MEGF11: variants seen among roughly 807,000 people sequenced by gnomAD.
The protein encoded by MEGF11 is multiple EGF like domains 11.
Under a neutral mutation model 146.6 loss-of-function variants are expected in MEGF11, and 126 were observed. The observed-to-expected ratio is 0.86, with a 90% confidence interval of 0.74 to 1.00. MEGF11 has a LOEUF of 1.00. Among genes scored for constraint, MEGF11 ranks in the 50% least tolerant of loss-of-function variants. The pLI is 0.00. For synonymous variants in MEGF11, 532 were observed against 583.4 expected (o/e 0.91, Z 1.27); for missense variants, 1,509 against 1,521.2 (o/e 0.99, Z 0.13).
chr15:66,160,291 C>CTCTCTCTCTCTCT (rs2089908090), intron 1 of MEGF11, among the ~76,000 whole-genome samples: 1 of 145,278 alleles, frequency 6.9e-6, no homozygotes, highest in East Asian at 2.0e-4. Context: ...CTGCTTTCTG[C>CTCTCTCTCTCTCT]CTAGAACGTG....
intron 1 of MEGF11, among the ~76,000 whole-genome samples, chr15:66,132,991 C>T (rs1250604777): frequency 1.3e-5 from 2 of 152,184 alleles, no homozygotes; most frequent in Admixed American, 6.5e-5. Context: ...ACTGACTCTG[C>T]AGCCAACCTC....
intron 5 of MEGF11, among the ~76,000 whole-genome samples, chr15:66,037,177 G>A (rs1314719960): frequency 6.6e-6 from 1 of 152,174 alleles, no homozygotes; most frequent in Non-Finnish European, 1.5e-5. Context: ...AGTCCTCGCA[G>A]CATCCAGCCC....
intron 8 of MEGF11, among the ~76,000 whole-genome samples, chr15:65,966,152 C>T (rs866730616): frequency 1.9e-4 from 29 of 152,244 alleles, no homozygotes; most frequent in Middle Eastern, 3.4e-3. Flanking sequence ...TGCACTGCCA[C>T]GCCCAACTAA....
chr15:66,039,994 G>A (rs2083898702), intron 5 of MEGF11, among the ~76,000 whole-genome samples: 1 of 149,022 alleles, frequency 6.7e-6, no homozygotes, highest in Non-Finnish European at 1.5e-5. Context: ...CCTGAGCCGG[G>A]TCAGGCGGCG....
chr15:66,125,071 A>G (rs1019106623), intron 2 of MEGF11, among the ~76,000 whole-genome samples: 2 of 152,240 alleles, frequency 1.3e-5, no homozygotes, highest in African/African-American at 2.4e-5. Context: ...CAGCTCCCCA[A>G]GTGGGTCCAC....
intron 1 of MEGF11, among the ~76,000 whole-genome samples, chr15:66,152,189 G>A (rs1048238664): frequency 6.6e-6 from 1 of 152,212 alleles, no homozygotes. Context: ...GGATGGAGAG[G>A]TAGTGTCTCG....
intron 5 of MEGF11, among the ~76,000 whole-genome samples, chr15:66,091,310 C>T (rs1189603612): frequency 6.6e-6 from 1 of 152,118 alleles, no homozygotes; most frequent in African/African-American, 2.4e-5. Flanking sequence ...CAATTTGCGT[C>T]CCATGGCCGA....
intron 5 of MEGF11, among the ~76,000 whole-genome samples, chr15:66,086,989 G>A (rs1161027809): frequency 6.6e-6 from 1 of 152,192 alleles, no homozygotes; most frequent in Non-Finnish European, 1.5e-5. Flanking sequence ...GGCATTTCAT[G>A]CAACTGGACA....
At chr15:66,026,390 G>A (rs541904673) in intron 5 of MEGF11, among the ~76,000 whole-genome samples, 5 of 152,192 alleles carry the variant, frequency 3.3e-5, no homozygotes, top group African/African-American at 4.8e-5. Context: ...TTCATTGCCA[G>A]CCCTCCGGCT....
chr15:66,030,331 T>A (rs1453308391), intron 5 of MEGF11, among the ~76,000 whole-genome samples: 1 of 152,194 alleles, frequency 6.6e-6, no homozygotes, highest in African/African-American at 2.4e-5. Flanking sequence ...GCTATGTCAA[T>A]ACACATGACA....
intron 1 of MEGF11, among the ~76,000 whole-genome samples, chr15:66,141,282 G>A (rs2089148179): frequency 7.8e-6 from 1 of 128,564 alleles, no homozygotes; most frequent in East Asian, 3.3e-4. Context: ...GTGTGTGTGT[G>A]TGTGTGTGAG....
intron 25 of MEGF11, 110 bp from the exon 26 acceptor site, chr15:65,898,204 A>G (rs2078399170): frequency 1.4e-6 from 2 of 1,464,224 alleles, no homozygotes; most frequent in Non-Finnish European, 1.8e-6. Context: ...GGATTTATAA[A>G]TCTATGGCAA....
intron 1 of MEGF11, among the ~76,000 whole-genome samples, chr15:66,215,589 G>C (rs2091563077): frequency 6.6e-6 from 1 of 152,198 alleles, no homozygotes; most frequent in South Asian, 2.1e-4. Flanking sequence ...ATCTGTACCA[G>C]AGTGTACAAT....
intron 5 of MEGF11, among the ~76,000 whole-genome samples, chr15:66,000,025 C>T (rs1329019849): frequency 6.6e-6 from 1 of 152,174 alleles, no homozygotes; most frequent in Non-Finnish European, 1.5e-5. Flanking sequence ...ACCCACCGGA[C>T]CTCTGGGAGA....
chr15:66,019,909 A>G (rs901259625), intron 5 of MEGF11, among the ~76,000 whole-genome samples: 3 of 152,066 alleles, frequency 2.0e-5, no homozygotes, highest in African/African-American at 7.2e-5. Flanking sequence ...CTTGTAAGCT[A>G]TTTCCACCGC....
intron 5 of MEGF11, among the ~76,000 whole-genome samples, chr15:66,084,434 A>C (rs1395373341): frequency 6.6e-6 from 1 of 152,166 alleles, no homozygotes; most frequent in Non-Finnish European, 1.5e-5. Flanking sequence ...GACCCTCTGA[A>C]GGAAGCAGAC....
At chr15:66,088,066 C>G (rs927301473) in intron 5 of MEGF11, among the ~76,000 whole-genome samples, 1 of 152,186 alleles carries the variant, frequency 6.6e-6, no homozygotes, top group South Asian at 2.1e-4. Context: ...ACATAAACTA[C>G]AAAACCTAGA....
intron 5 of MEGF11, among the ~76,000 whole-genome samples, chr15:66,074,658 G>T (rs1333911599): frequency 6.6e-6 from 1 of 152,236 alleles, no homozygotes; most frequent in Non-Finnish European, 1.5e-5. Flanking sequence ...AATCTAGGTT[G>T]TGGTAGAAAA....
intron 1 of MEGF11, among the ~76,000 whole-genome samples, chr15:66,146,359 G>A (rs1047444562): frequency 2.0e-5 from 3 of 152,204 alleles, no homozygotes; most frequent in Non-Finnish European, 4.4e-5. Flanking sequence ...CTCACAGGAA[G>A]AGTCTACATT....
Sources: allele counts gnomAD v4.1 joint callset (sites outside exome capture counted in the v4.1 genomes callset), GRCh38; gene constraint gnomAD v4.1.1; transcripts MANE v1.5; gene names NCBI Gene and HGNC (gene_info 2026-07-23, HGNC 2026-07-21).